The following SLC4A5 variants were observed in gnomAD, a reference collection of about 807,000 sequenced individuals.
The protein encoded by SLC4A5 is solute carrier family 4 member 5.
Under a neutral mutation model 120.4 loss-of-function variants are expected in SLC4A5, and 96 were observed. The observed-to-expected ratio is 0.80, with a 90% CI of 0.68 to 0.94. The LOEUF (loss-of-function observed/expected upper bound fraction) is 0.94. Ranked by LOEUF, SLC4A5 falls within the 40% of genes least tolerant of loss-of-function variation. The pLI, the probability that SLC4A5 is intolerant of heterozygous loss-of-function variation, is 0.00. For missense variants in SLC4A5, 1,259 were observed against 1,459.5 expected (o/e 0.86, Z 2.24); for synonymous variants, 550 against 571.1 (o/e 0.96, Z 0.53).
chr2:74,290,622 TGAGAGAGAGAGAGA>T (rs151284937), intron 7 of SLC4A5: 1 of 883,132 alleles, frequency 1.1e-6, no homozygotes, highest in Non-Finnish European at 1.3e-6. Context: ...GACAGAGAAG[TGAGAGAGAGAGAGA>T]GAGAGAGAGA....
intron 30 of SLC4A5, among the ~76,000 whole-genome samples, chr2:74,221,119 A>T (rs1694629025): frequency 6.6e-6 from 1 of 152,230 alleles, no homozygotes; most frequent in Non-Finnish European, 1.5e-5. Flanking sequence ...CTGGGATTAC[A>T]GGTGTGAGGC....
At chr2:74,285,229 A>G (rs1671944796) in intron 8 of SLC4A5, among the ~76,000 whole-genome samples, 1 of 152,166 alleles carries the variant, frequency 6.6e-6, no homozygotes, top group South Asian at 2.1e-4. Context: ...AGCCTGGGCG[A>G]CATAATGAGA....
chr2:74,217,550 T>G (rs1200893371), exon 31 of SLC4A5: 1 of 152,176 alleles, frequency 6.6e-6, no homozygotes, highest in African/African-American at 2.4e-5. Flanking sequence ...CATTGAAAAT[T>G]TGCAGGGAGG....
rs1412554635 is a variant in SLC4A5 at position 74,312,016 on chromosome 2, G to C, written c.79+2929C>G. 2.0e-5 allele frequency among the ~76,000 whole-genome samples: 3 copies of C among 152,074 alleles called. No individual in the cohort carries two copies. In the East Asian group the frequency reaches 5.8e-4, roughly 29 times the overall value. On this transcript the variant is annotated intron_variant, in intron 6 of 30. Coordinates refer to ENST00000394019, the Ensembl canonical transcript of SLC4A5. Reference sequence around the variant, plus strand: ...GTACATACATGTTAAGGACTATTATGTTTTCCTGAAGAATTGACCCTTTTA... The same window carrying C: ...GTACATACATGTTAAGGACTATTATCTTTTCCTGAAGAATTGACCCTTTTA...
chr2:74,333,878 C>G (rs897459634), intron 4 of SLC4A5, 149 bp downstream of exon 4: 1 of 152,154 alleles, frequency 6.6e-6, no homozygotes, highest in Non-Finnish European at 1.5e-5. Context: ...GGGCAAAATT[C>G]TTTGAAGAAA....
At chr2:74,277,314 C>T (rs905403188) in intron 8 of SLC4A5, among the ~76,000 whole-genome samples, 7 of 152,186 alleles carry the variant, frequency 4.6e-5, no homozygotes, top group Non-Finnish European at 1.0e-4. Context: ...CTTTGGGAGG[C>T]TGAGGCGGGT....
chr2:74,278,904 T>C (rs1462574176), intron 8 of SLC4A5, among the ~76,000 whole-genome samples: 1 of 152,224 alleles, frequency 6.6e-6, no homozygotes, highest in Non-Finnish European at 1.5e-5. Flanking sequence ...CTGGCTCATG[T>C]ATACCAGCCA....
intron 12 of SLC4A5, among the ~76,000 whole-genome samples, chr2:74,257,711 G>C (rs1671013744): frequency 6.6e-6 from 1 of 152,040 alleles, no homozygotes; most frequent in Admixed American, 6.6e-5. Context: ...GCACATGCCT[G>C]GGACTACAGG....
chr2:74,296,923 T>C (rs183904881), intron 7 of SLC4A5, among the ~76,000 whole-genome samples: 1 of 152,326 alleles, frequency 6.6e-6, no homozygotes, highest in Non-Finnish European at 1.5e-5. Flanking sequence ...GCTCCTTTCT[T>C]ATCAGAAAAG....
At chr2:74,238,280 A>T (rs2103938373) in intron 21 of SLC4A5, among the ~76,000 whole-genome samples, 2 of 152,274 alleles carry the variant, frequency 1.3e-5, no homozygotes, top group South Asian at 4.1e-4. Context: ...TGTATTCATA[A>T]ATCAGAAAAA....
intron 5 of SLC4A5, among the ~76,000 whole-genome samples, chr2:74,323,056 T>C (rs924086472): frequency 1.2e-4 from 19 of 152,194 alleles, no homozygotes; most frequent in Non-Finnish European, 1.8e-4. Flanking sequence ...CTGGCCAACA[T>C]GGTGAATCCC....
chr2:74,318,568 C>T (rs1398237243), intron 5 of SLC4A5, among the ~76,000 whole-genome samples: 1 of 152,002 alleles, frequency 6.6e-6, no homozygotes, highest in Non-Finnish European at 1.5e-5. Flanking sequence ...TGCCTGTAAT[C>T]CCAGATACTC....
intron 7 of SLC4A5, among the ~76,000 whole-genome samples, chr2:74,293,274 G>T (rs1672229734): frequency 6.6e-6 from 1 of 152,204 alleles, no homozygotes; most frequent in Admixed American, 6.5e-5. Context: ...GAGAGAGGAA[G>T]AGGAGAGAAT....
intron 21 of SLC4A5, among the ~76,000 whole-genome samples, chr2:74,238,493 A>G (rs1477564472): frequency 6.6e-6 from 1 of 152,212 alleles, no homozygotes; most frequent in East Asian, 1.9e-4. Flanking sequence ...AGCTACAGAA[A>G]TGAAGACTGT....
intron 8 of SLC4A5, among the ~76,000 whole-genome samples, chr2:74,284,914 T>C (rs1363773284): frequency 1.3e-5 from 2 of 152,138 alleles, no homozygotes; most frequent in Non-Finnish European, 2.9e-5. Context: ...TCCATCTGGA[T>C]TTTTCCCACC....
intron 3 of SLC4A5, among the ~76,000 whole-genome samples, chr2:74,336,549 G>C (rs74659689): frequency 6.6e-6 from 1 of 152,108 alleles, no homozygotes. Flanking sequence ...ATGAAACATT[G>C]AGAGCAGTGC....
At chr2:74,326,772 T>C (rs1397283798) in intron 5 of SLC4A5, among the ~76,000 whole-genome samples, 1 of 152,184 alleles carries the variant, frequency 6.6e-6, no homozygotes, top group Non-Finnish European at 1.5e-5. Flanking sequence ...TGAGCTGAGA[T>C]GGCACCACTG....
intron 29 of SLC4A5, among the ~76,000 whole-genome samples, chr2:74,222,310 G>T (rs1050935614): frequency 6.6e-6 from 1 of 152,174 alleles, no homozygotes; most frequent in African/African-American, 2.4e-5. Context: ...GGAAAGGAGG[G>T]AATGAGGGAT....
chr2:74,247,326 G>A lies in SLC4A5; in HGVS notation c.1788-19C>T. 6.2e-7 allele frequency: 1 copy of A among 1,605,172 alleles called. No individual in the cohort carries two copies. The highest frequency in any genetic ancestry group is 8.5e-7 in the Non-Finnish European group (1 of 1,174,984). ...ATTGCCTCTGGAAGGCAGAGGGGAG[G>A]TGAGGGGCCTCCAGCCCAGGGCTCC... is the stretch of plus-strand genomic sequence containing the variant. On this transcript the variant is annotated intron_variant, in intron 18 of 30. Transcript: ENST00000394019.
Sources: gnomAD v4.1 joint callset for allele counts (sites outside exome capture counted in the v4.1 genomes callset) on GRCh38, gnomAD v4.1.1 for gene constraint, MANE v1.5 for transcripts, NCBI Gene and HGNC (gene_info 2026-07-23, HGNC 2026-07-21) for gene names.